VRK2: variants seen among roughly 807,000 people sequenced by gnomAD.
VRK2 encodes the protein VRK serine/threonine kinase 2.
In VRK2, 60 loss-of-function variants were observed where a neutral mutation model predicts 57.6. The ratio of observed to expected loss-of-function variants is 1.04; its 90% CI spans 0.85 to 1.29. The LOEUF (loss-of-function observed/expected upper bound fraction) is 1.29, where lower values mean the gene tolerates loss of function less well. Ranked by LOEUF, VRK2 falls within the 50% of genes most tolerant of loss-of-function variation. The probability of loss-of-function intolerance (pLI) is 0.00; values close to 1 mark genes in which losing one functional copy is unlikely to be tolerated. For missense variants in VRK2, 705 were observed against 588.1 expected, an observed-to-expected ratio of 1.20 and a Z score of -2.06; for synonymous variants, 231 against 199.2, an observed-to-expected ratio of 1.16 and a Z score of -1.35.
chr2:57,920,738 C>T (rs1374313991), intron 1 of VRK2, among the ~76,000 whole-genome samples: 1 of 152,064 alleles, frequency 6.6e-6, no homozygotes, highest in East Asian at 1.9e-4. Context: ...AAAACACCTA[C>T]TACTTTCAGT....
At position 57,940,966 on chromosome 2, in the gene VRK2, TAGAG is replaced by T. The variant is rs1572886894; in HGVS notation, c.-439+33130_-439+33133del. On this transcript the variant is annotated intron_variant, in intron 1 of 15. Transcript: ENST00000417641. The stretch of plus-strand genomic sequence containing the variant: ...TTACACAATGTATTATTACAGATCT[TAGAG>T]AGTAACACAAGAATGCCATCTGGAT... 2.0e-5 allele frequency among the ~76,000 whole-genome samples: 3 copies of T among 152,090 alleles called. No homozygotes were observed. In the East Asian group the frequency reaches 5.8e-4, roughly 29 times the overall value.
At chr2:58,116,963 G>A (rs371917872) in intron 7 of VRK2, among the ~76,000 whole-genome samples, 1 of 152,188 alleles carries the variant, frequency 6.6e-6, no homozygotes, top group African/African-American at 2.4e-5. Flanking sequence ...AGATGTGGCT[G>A]GGGTTTGTCT....
At chr2:57,931,635 T>C (rs1031820695) in intron 1 of VRK2, among the ~76,000 whole-genome samples, 16 of 152,182 alleles carry the variant, frequency 1.1e-4, no homozygotes, top group African/African-American at 3.9e-4. Flanking sequence ...AGTCCCACTT[T>C]GTTTTTGCTT....
intron 1 of VRK2, among the ~76,000 whole-genome samples, chr2:57,976,428 T>C (rs1232689814): frequency 6.6e-6 from 1 of 152,102 alleles, no homozygotes; most frequent in Non-Finnish European, 1.5e-5. Flanking sequence ...TCTGAATGTC[T>C]GTTATTTCCT....
chr2:58,072,261 C>T (rs1669455787), intron 2 of VRK2, among the ~76,000 whole-genome samples: 1 of 151,852 alleles, frequency 6.6e-6, no homozygotes, highest in Non-Finnish European at 1.5e-5. Flanking sequence ...TTACCTTTTA[C>T]TTCCTTTTCT....
At chr2:57,968,246 A>C (rs1456710570) in intron 1 of VRK2, among the ~76,000 whole-genome samples, 2 of 152,068 alleles carry the variant, frequency 1.3e-5, no homozygotes, top group East Asian at 1.9e-4. Context: ...GTAAATCACG[A>C]AAGAAAGAAA....
intron 7 of VRK2, among the ~76,000 whole-genome samples, chr2:58,096,395 G>A (rs113592812): frequency 5.9e-4 from 90 of 152,082 alleles, no homozygotes; most frequent in Non-Finnish European, 1.1e-3. Flanking sequence ...GCTTTTCTGC[G>A]TGGTAGTTCT....
rs149813911 is a variant in VRK2 at position 58,145,089 on chromosome 2, T to G, written c.1024-1227T>G. 9.9e-5 allele frequency among the ~76,000 whole-genome samples: 15 copies of G among 152,154 alleles called. No individual in the cohort carries two copies. The East Asian group carries it at 2.7e-3, about 27-fold the overall frequency. ...TCATGAAAAAAAGGTGATGGCACTT[T>G]CAGCTGCTATAAACATGAAGCTGCT... is the stretch of plus-strand genomic sequence containing the variant. On this transcript the variant is annotated intron_variant, in intron 11 of 12. Coordinates refer to ENST00000340157, the MANE Select transcript of VRK2 (RefSeq NM_006296.7).
At chr2:58,019,189 C>T (rs928878960) in intron 1 of VRK2, among the ~76,000 whole-genome samples, 11 of 152,116 alleles carry the variant, frequency 7.2e-5, no homozygotes, top group African/African-American at 2.4e-4. Flanking sequence ...AATGTGACCA[C>T]GTTAAACATT....
rs374092917 is a variant in VRK2 at position 58,003,503 on chromosome 2, G to A, written c.-438-22162G>A. On this transcript the variant is annotated intron_variant, in intron 1 of 15. Coordinates refer to the VRK2 transcript ENST00000417641. ...GTCTAATATAGAGTTTCCAGGGTTAGCGTATAAAAATATAAGATGCACAGT... is the reference window on the plus strand; with the variant it reads ...GTCTAATATAGAGTTTCCAGGGTTAACGTATAAAAATATAAGATGCACAGT... 3.9e-5 allele frequency among the ~76,000 whole-genome samples: 6 copies of A among 152,036 alleles called. No homozygotes were observed. In the East Asian group the frequency reaches 9.6e-4, roughly 24 times the overall value.
intron 7 of VRK2, among the ~76,000 whole-genome samples, chr2:58,121,667 A>G (rs1200272929): frequency 6.6e-6 from 1 of 152,220 alleles, no homozygotes; most frequent in Non-Finnish European, 1.5e-5. Context: ...AACTTAAACT[A>G]AAATTCAAAT....
chr2:58,058,724 G>A (rs1676900587), intron 2 of VRK2, among the ~76,000 whole-genome samples: 1 of 151,896 alleles, frequency 6.6e-6, no homozygotes, highest in African/African-American at 2.4e-5. Flanking sequence ...CCTTCACTTA[G>A]TGTGTGCCAA....
At chr2:58,154,615 G>T in intron 12 of VRK2, 1 of 604,814 alleles carries the variant, frequency 1.7e-6, no homozygotes, top group South Asian at 2.2e-5. Flanking sequence ...ATTTCCATTC[G>T]GTTCAATGTA....
intron 1 of VRK2, among the ~76,000 whole-genome samples, chr2:57,944,063 C>A (rs1225950761): frequency 1.3e-5 from 2 of 151,988 alleles, no homozygotes; most frequent in African/African-American, 4.8e-5. Flanking sequence ...AAATGAAAAA[C>A]AAACAAACAG....
intron 1 of VRK2, among the ~76,000 whole-genome samples, chr2:57,924,660 C>T (rs1477971499): frequency 6.6e-6 from 1 of 151,878 alleles, no homozygotes; most frequent in East Asian, 1.9e-4. Flanking sequence ...TAAGGATAAT[C>T]TGATTTCTTT....
At chr2:57,973,119 C>T (rs374355189) in intron 1 of VRK2, among the ~76,000 whole-genome samples, 27 of 151,798 alleles carry the variant, frequency 1.8e-4, no homozygotes, top group African/African-American at 5.8e-4. Context: ...AGGGATTGTA[C>T]CATTTTGTAT....
chr2:58,030,479 C>T (rs752839075), intron 2 of VRK2, among the ~76,000 whole-genome samples: 2 of 152,010 alleles, frequency 1.3e-5, no homozygotes, highest in Non-Finnish European at 2.9e-5. Flanking sequence ...CACTCTACCT[C>T]GTTTCCTCTC....
At chr2:58,033,358 G>T (rs1218983921) in exon 3 of VRK2, 2 of 152,022 alleles carry the variant, frequency 1.3e-5, no homozygotes, top group East Asian at 3.9e-4. Context: ...TAAGAAGGAA[G>T]AAGGAGGGTT....
At chr2:58,106,075 A>G (rs1452021525) in intron 7 of VRK2, among the ~76,000 whole-genome samples, 1 of 151,954 alleles carries the variant, frequency 6.6e-6, no homozygotes, top group South Asian at 2.1e-4. Flanking sequence ...AGCCAATGCA[A>G]TCCAGATTTC....
Sources: allele counts gnomAD v4.1 joint callset (sites outside exome capture counted in the v4.1 genomes callset), GRCh38; gene constraint gnomAD v4.1.1; transcripts MANE v1.5; gene names NCBI Gene and HGNC (gene_info 2026-07-23, HGNC 2026-07-21).